SNX25: variants seen among roughly 807,000 people sequenced by gnomAD.
The protein encoded by SNX25 is sorting nexin-25.
A neutral mutation model predicts 113.7 loss-of-function variants in SNX25; 62 were observed. The ratio of observed to expected loss-of-function variants is 0.55; its 90% confidence interval spans 0.44 to 0.67. The LOEUF (loss-of-function observed/expected upper bound fraction) is 0.67. SNX25 is among the 30% of genes least tolerant of loss of function. SNX25 has a pLI of 0.00. For synonymous variants in SNX25, 421 were observed against 436.2 expected (o/e 0.97, Z 0.43); for missense variants, 1,014 against 1,161.0 (o/e 0.87, Z 1.84).
At position 185,359,815 on chromosome 4, in the gene SNX25, C is replaced by T. The variant is rs114534252; in HGVS notation, c.2651+2078C>T. ...TATTGGCTGTTAATTATAAAATGAG[C>T]GGCTGCATGTTGTGAGTGGTGCATA... is the stretch of plus-strand genomic sequence containing the variant. On this transcript the variant is annotated intron_variant, in intron 16 of 18. Transcript: ENST00000652585. Among the ~76,000 whole-genome samples, 1,285 of 152,248 alleles carry T rather than the reference C, an allele frequency of 8.4e-3. 6 individuals carry two copies. Among genetic ancestry groups the T allele is most frequent in the South Asian group, 0.016 (79 of 4,828 alleles).
At chr4:185,360,454 C>T (rs540418674) in intron 16 of SNX25, among the ~76,000 whole-genome samples, 5 of 152,264 alleles carry the variant, frequency 3.3e-5, no homozygotes, top group African/African-American at 1.2e-4. Context: ...AAGTCAGATT[C>T]TTAAAAGGCT....
At chr4:185,372,049 G>A (rs775458748), downstream of SNX25, among the ~76,000 whole-genome samples, 6 of 152,158 alleles carry the variant, frequency 3.9e-5, no homozygotes, top group Admixed American at 1.3e-4. Flanking sequence ...TACGGACTCC[G>A]AGAAAAGACG....
intron 4 of SNX25, among the ~76,000 whole-genome samples, chr4:185,265,333 G>A (rs1298894180): frequency 2.0e-5 from 3 of 152,228 alleles, no homozygotes; most frequent in Non-Finnish European, 4.4e-5. Context: ...GCAATATGGT[G>A]TAACCTATTG....
At chr4:185,356,707 T>C (rs2095340809) in intron 15 of SNX25, among the ~76,000 whole-genome samples, 1 of 152,204 alleles carries the variant, frequency 6.6e-6, no homozygotes, top group African/African-American at 2.4e-5. Context: ...GAATTTGCCA[T>C]TGTTAGCTTT....
chr4:185,333,627 T>C (rs2095210793), intron 10 of SNX25, among the ~76,000 whole-genome samples: 1 of 152,200 alleles, frequency 6.6e-6, no homozygotes, highest in African/African-American at 2.4e-5. Context: ...ACAGTGAGTT[T>C]TCTTTAACAA....
intron 1 of SNX25, among the ~76,000 whole-genome samples, chr4:185,245,494 C>T (rs3108257): frequency 0.11 from 17,287 of 151,914 alleles, 1,142 homozygotes; most frequent in African/African-American, 0.18. Flanking sequence ...CCCGCCACCA[C>T]GCCCAGCTAA....
intron 1 of SNX25, among the ~76,000 whole-genome samples, chr4:185,214,908 T>C (rs187601101): frequency 6.6e-6 from 1 of 152,216 alleles, no homozygotes; most frequent in African/African-American, 2.4e-5. Flanking sequence ...TAGAGAAGGG[T>C]CAGAGCTTTG....
intron 1 of SNX25, among the ~76,000 whole-genome samples, chr4:185,229,178 G>C (rs191019688): frequency 1.3e-5 from 2 of 152,192 alleles, no homozygotes; most frequent in Admixed American, 1.3e-4. Flanking sequence ...ATCTGTGGGC[G>C]TGGTACGACA....
intron 9 of SNX25, among the ~76,000 whole-genome samples, chr4:185,328,018 A>C (rs1482015716): frequency 6.6e-6 from 1 of 152,210 alleles, no homozygotes; most frequent in Non-Finnish European, 1.5e-5. Flanking sequence ...GAACTGAAAG[A>C]TCCCATAGCT....
intron 1 of SNX25, among the ~76,000 whole-genome samples, chr4:185,211,836 GCATTGAAAGCCTC>G (rs535911771): frequency 1.1e-3 from 174 of 152,276 alleles, no homozygotes; most frequent in Non-Finnish European, 8.7e-4. Flanking sequence ...ATCTCCCAGG[GCATTGAAAGCCTC>G]CTGTTGTGGG....
chr4:185,374,291 A>T (rs73029522), downstream of SNX25: 1 of 1,613,990 alleles, frequency 6.2e-7, no homozygotes, highest in African/African-American at 1.3e-5. Flanking sequence ...TTTCCTTCAA[A>T]CCTAATCTTG....
At chr4:185,283,703 A>G (rs1750963630) in intron 5 of SNX25, among the ~76,000 whole-genome samples, 1 of 152,220 alleles carries the variant, frequency 6.6e-6, no homozygotes, top group African/African-American at 2.4e-5. Flanking sequence ...CTTAAAAGCA[A>G]TGAGACCTTG....
chr4:185,296,188 G>T (rs895428045), intron 6 of SNX25, among the ~76,000 whole-genome samples: 1 of 152,094 alleles, frequency 6.6e-6, no homozygotes, highest in African/African-American at 2.4e-5. Context: ...TCCTGGCCTT[G>T]TCGTCTCCTA....
chr4:185,313,687 A>T (rs971932328), intron 7 of SNX25, among the ~76,000 whole-genome samples: 23 of 152,242 alleles, frequency 1.5e-4, no homozygotes, highest in African/African-American at 5.5e-4. Context: ...CACCACTTAC[A>T]GGAATTATGT....
chr4:185,315,993 TATG>T (rs1252527164), intron 7 of SNX25, among the ~76,000 whole-genome samples: 12 of 152,230 alleles, frequency 7.9e-5, no homozygotes, highest in South Asian at 6.2e-4. Flanking sequence ...AAGTGTACAA[TATG>T]ATAAGTTTTG....
At chr4:185,239,293 C>T (rs963990094) in intron 1 of SNX25, among the ~76,000 whole-genome samples, 32 of 151,766 alleles carry the variant, frequency 2.1e-4, no homozygotes, top group Non-Finnish European at 4.1e-4. Context: ...ACCATCCTGG[C>T]CAACACGGTG....
At chr4:185,366,984 C>A, downstream of SNX25, 1 of 526,872 alleles carries the variant, frequency 1.9e-6, no homozygotes, top group Admixed American at 3.5e-5. Flanking sequence ...ACTCTTCCAG[C>A]AATTTGACCT....
intron 1 of SNX25, among the ~76,000 whole-genome samples, chr4:185,229,882 G>A (rs1376463491): frequency 6.6e-6 from 1 of 152,178 alleles, no homozygotes; most frequent in Admixed American, 6.5e-5. Context: ...AGGCTGGAGT[G>A]CAGTGATGCA....
intron 6 of SNX25, among the ~76,000 whole-genome samples, chr4:185,303,178 A>G (rs1233972070): frequency 6.6e-6 from 1 of 152,154 alleles, no homozygotes; most frequent in African/African-American, 2.4e-5. Context: ...CAAGCATTGT[A>G]TGGGTCAGAT....
Sources: gnomAD v4.1 joint callset for allele counts (sites outside exome capture counted in the v4.1 genomes callset) on GRCh38, gnomAD v4.1.1 for gene constraint, MANE v1.5 for transcripts, NCBI Gene and HGNC (gene_info 2026-07-23, HGNC 2026-07-21) for gene names.